ARHGEF7: variants seen among roughly 807,000 people sequenced by gnomAD.
ARHGEF7 encodes the protein PAK-interacting exchange factor beta.
A neutral mutation model predicts 109.8 loss-of-function variants in ARHGEF7; 33 were observed. The observed-to-expected ratio is 0.30, with a 90% CI of 0.23 to 0.40. ARHGEF7 has a LOEUF of 0.40. Among genes scored for constraint, ARHGEF7 ranks in the 10% least tolerant of loss-of-function variants. ARHGEF7 has a pLI of 1.00. For missense variants in ARHGEF7, 938 were observed against 1,098.5 expected, an observed-to-expected ratio of 0.85 and a Z score of 2.07; for synonymous variants, 458 against 424.6, an observed-to-expected ratio of 1.08 and a Z score of -0.97.
At chr13:111,139,826 G>T (rs2075267631) in intron 1 of ARHGEF7, among the ~76,000 whole-genome samples, 1 of 152,248 alleles carries the variant, frequency 6.6e-6, no homozygotes, top group African/African-American at 2.4e-5. Flanking sequence ...GCAGTCCTGG[G>T]AGAGCACTGG....
In ARHGEF7 at chr13:111,174,498, C is replaced by A. The variant is rs1459548479; in HGVS notation, c.252+20507C>A. 2.0e-5 allele frequency among the ~76,000 whole-genome samples: 3 copies of A among 152,232 alleles called. No homozygotes were observed. The East Asian group carries it at 5.8e-4, about 29-fold the overall frequency. On this transcript the variant is annotated intron_variant, in intron 2 of 21. Coordinates refer to ENST00000646102, the MANE Select transcript of ARHGEF7 (RefSeq NM_001354046.2). ...CTGTCTCCCTTTCTTGCTCTTCCTT[C>A]ACCTTTCTCGCAGTCTTGCTCTTGC...
chr13:111,133,009 T>C (rs975983095), intron 1 of ARHGEF7, among the ~76,000 whole-genome samples: 4 of 152,122 alleles, frequency 2.6e-5, no homozygotes, highest in African/African-American at 7.2e-5. Context: ...TGCATACATA[T>C]TTATATATAC....
intron 1 of ARHGEF7, among the ~76,000 whole-genome samples, chr13:111,121,072 C>T (rs831151): frequency 6.6e-6 from 1 of 152,174 alleles, no homozygotes; most frequent in Non-Finnish European, 1.5e-5. Context: ...ACTGGAGGGG[C>T]TGGCTCAGGT....
chr13:111,155,711 C>G (rs535985801), intron 2 of ARHGEF7, among the ~76,000 whole-genome samples: 22 of 152,300 alleles, frequency 1.4e-4, no homozygotes, highest in African/African-American at 4.3e-4. Context: ...CGTTAACATA[C>G]TTTTGAAACT....
At chr13:111,187,262 A>G (rs1246629396) in intron 2 of ARHGEF7, among the ~76,000 whole-genome samples, 1 of 152,130 alleles carries the variant, frequency 6.6e-6, no homozygotes, top group Non-Finnish European at 1.5e-5. Flanking sequence ...GTTCTGCTTC[A>G]CTGGCTGTGA....
chr13:111,224,152 G>A (rs2084864649), intron 5 of ARHGEF7, among the ~76,000 whole-genome samples: 1 of 152,252 alleles, frequency 6.6e-6, no homozygotes, highest in Non-Finnish European at 1.5e-5. Flanking sequence ...ACCGCAGCCA[G>A]CGTCTACAGC....
chr13:111,229,152 G>T (rs1377503705), intron 5 of ARHGEF7, among the ~76,000 whole-genome samples: 2 of 152,066 alleles, frequency 1.3e-5, no homozygotes, highest in African/African-American at 2.4e-5. Context: ...GTTTTGCTCG[G>T]GGCTGGCTGT....
At chr13:111,231,149 C>T (rs1262736541) in intron 5 of ARHGEF7, among the ~76,000 whole-genome samples, 1 of 152,168 alleles carries the variant, frequency 6.6e-6, no homozygotes, top group African/African-American at 2.4e-5. Context: ...TGGACAGTCT[C>T]CCCTGCAATG....
chr13:111,135,507 G>A (rs9522140), intron 1 of ARHGEF7, among the ~76,000 whole-genome samples: 26,153 of 152,164 alleles, frequency 0.17, 2,470 homozygotes, highest in Admixed American at 0.23. Flanking sequence ...CCTTGAAGAG[G>A]TCCTTCACAT....
intron 6 of ARHGEF7, among the ~76,000 whole-genome samples, chr13:111,238,729 C>T (rs1011676880): frequency 6.6e-6 from 1 of 151,720 alleles, no homozygotes; most frequent in African/African-American, 2.4e-5. Flanking sequence ...TCTGGAGTTG[C>T]CTCTCGGGGG....
At chr13:111,223,160 C>T (rs550391234) in intron 5 of ARHGEF7, among the ~76,000 whole-genome samples, 7 of 152,252 alleles carry the variant, frequency 4.6e-5, no homozygotes, top group South Asian at 4.1e-4. Context: ...TGGGTACCCC[C>T]GTGGATAAGG....
intron 1 of ARHGEF7, among the ~76,000 whole-genome samples, chr13:111,139,017 A>G (rs2075220530): frequency 6.6e-6 from 1 of 152,236 alleles, no homozygotes. Context: ...AAGCAATGAC[A>G]GGTTCTCTGG....
chr13:111,137,216 AAG>A (rs1367764586), intron 1 of ARHGEF7, among the ~76,000 whole-genome samples: 1 of 152,238 alleles, frequency 6.6e-6, no homozygotes, highest in Non-Finnish European at 1.5e-5. Context: ...ATCAATGGAA[AAG>A]AGAGAATCCT....
Position 111,286,227 on chromosome 13 carries a change from C to A in ARHGEF7, c.2031C>A (p.Phe677Leu). 6.2e-7 allele frequency: 1 copy of A among 1,613,712 alleles called. No homozygotes were observed. The highest frequency in any genetic ancestry group is 1.3e-5 in the African/African-American group (1 of 75,014). ...AACGGAAGCCTTCAGATGAGGAGTT[C>A]GCGTCCCGGAAAAGTGAGTACCTGC... ...KPERKPSDEE[F>L]ASRKSTAALE... Residue 677 changes from phenylalanine (F) to leucine (L), a missense_variant, in exon 17 of 22, where the codon TTC (phenylalanine) becomes TTA (leucine). By Grantham distance (22) the Phe-to-Leu change is conservative. This residue lies in a region of ARHGEF7 where 22 missense variants were observed against 81.9 expected (regional missense o/e 0.27). Coordinates refer to ENST00000646102, the MANE Select transcript of ARHGEF7 (RefSeq NM_001354046.2).
chr13:111,153,598 A>G, intron 1 of ARHGEF7: 2 of 1,119,398 alleles, frequency 1.8e-6, no homozygotes, highest in Non-Finnish European at 2.2e-6. Context: ...ACCCGACGCT[A>G]TCCGAAGACG....
chr13:111,215,882 TC>T (rs2083069501), intron 4 of ARHGEF7, among the ~76,000 whole-genome samples: 2 of 152,270 alleles, frequency 1.3e-5, no homozygotes, highest in African/African-American at 2.4e-5. Flanking sequence ...TGTGTAGATC[TC>T]CTCTGCCTCT....
At chr13:111,121,497 G>A (rs1313975354) in intron 1 of ARHGEF7, among the ~76,000 whole-genome samples, 1 of 152,236 alleles carries the variant, frequency 6.6e-6, no homozygotes, top group Non-Finnish European at 1.5e-5. Context: ...GAGTGGAGGC[G>A]ATGGGGGCTG....
At chr13:111,265,545 G>A (rs1336683808) in intron 8 of ARHGEF7, 1 of 456,586 alleles carries the variant, frequency 2.2e-6, no homozygotes, top group Non-Finnish European at 4.4e-6. Context: ...CCCAGAGACT[G>A]CATGGAGGTG....
rs1283834951 is a variant in ARHGEF7 at position 111,145,598 on chromosome 13, C to G, written c.166-8307C>G. On this transcript the variant is annotated intron_variant, in intron 1 of 21. Transcript: ENST00000646102. This position sits in a 1 kb window ranked among gnomAD's most constrained non-coding sequence, Gnocchi z 4.3. ...GTGTACCGTTTGCTGATTTCTGTGC[C>G]GTAGGTACTTACACCAGGGCTTTAA... Among the ~76,000 whole-genome samples, 1 of 152,108 alleles carries G rather than the reference C, an allele frequency of 6.6e-6. No individual in the cohort carries two copies. The highest frequency in any genetic ancestry group is 1.5e-5 in the Non-Finnish European group (1 of 68,014).
Sources: gnomAD v4.1 joint callset for allele counts (sites outside exome capture counted in the v4.1 genomes callset) on GRCh38, gnomAD v4.1.1 for gene constraint, gnomAD v4.1.1 regional missense constraint, Gnocchi (gnomAD v3.1) non-coding constraint, MANE v1.5 for transcripts, NCBI Gene and HGNC (gene_info 2026-07-23, HGNC 2026-07-21) for gene names.